The following NELL1 variants were observed in gnomAD, a reference collection of about 807,000 sequenced individuals.
NELL1 encodes protein kinase C-binding protein NELL1.
A neutral mutation model predicts 107.4 loss-of-function variants in NELL1; 76 were observed. That is an observed-to-expected ratio of 0.71 (90% CI 0.59 to 0.86). NELL1 has a LOEUF of 0.86. Among genes scored for constraint, NELL1 ranks in the 40% least tolerant of loss-of-function variants. The pLI, the probability that NELL1 is intolerant of heterozygous loss-of-function variation, is 0.00. For missense variants in NELL1, 1,024 were observed against 1,005.5 expected, an observed-to-expected ratio of 1.02 and a Z score of -0.25; for synonymous variants, 353 against 341.2, an observed-to-expected ratio of 1.03 and a Z score of -0.38.
chr11:21,464,600 C>A (rs10833543), intron 15 of NELL1, among the ~76,000 whole-genome samples: 52,676 of 151,766 alleles, frequency 0.35, 10,077 homozygotes, highest in East Asian at 0.43. Flanking sequence ...AAAATGTTCA[C>A]CACAAAATGT....
intron 13 of NELL1, chr11:21,170,079 A>G: frequency 2.9e-6 from 3 of 1,036,134 alleles, no homozygotes; most frequent in Non-Finnish European, 4.4e-6. Flanking sequence ...TTGGAGTCCA[A>G]GTTCTTTGAA....
intron 6 of NELL1, among the ~76,000 whole-genome samples, chr11:20,918,862 G>T (rs1850316582): frequency 6.6e-6 from 1 of 151,894 alleles, no homozygotes; most frequent in South Asian, 2.1e-4. Flanking sequence ...TCTATAGGTG[G>T]ATATAGAAAG....
chr11:21,078,491 T>C (rs1854192627), intron 12 of NELL1, among the ~76,000 whole-genome samples: 2 of 152,002 alleles, frequency 1.3e-5, no homozygotes, highest in African/African-American at 2.4e-5. Context: ...AATATAAATC[T>C]AAAGAGAAAA....
At chr11:21,360,688 G>A (rs917208296) in intron 14 of NELL1, among the ~76,000 whole-genome samples, 2 of 151,858 alleles carry the variant, frequency 1.3e-5, no homozygotes, top group Admixed American at 1.3e-4. Context: ...AGGTGCATAT[G>A]TATTTTCCTG....
At chr11:20,736,151 G>A (rs1412352653) in intron 2 of NELL1, among the ~76,000 whole-genome samples, 2 of 152,180 alleles carry the variant, frequency 1.3e-5, no homozygotes, top group African/African-American at 4.8e-5. Context: ...CATCCACTGA[G>A]GGCAAGTGGG....
chr11:20,970,090 TCCATCC>T (rs1564992482), intron 12 of NELL1, among the ~76,000 whole-genome samples: 3 of 150,122 alleles, frequency 2.0e-5, no homozygotes, highest in Non-Finnish European at 3.0e-5. Flanking sequence ...CATCCATCCA[TCCATCC>T]GTACTCTGAA....
At chr11:21,493,694 G>A (rs1854896170) in intron 15 of NELL1, among the ~76,000 whole-genome samples, 1 of 151,904 alleles carries the variant, frequency 6.6e-6, no homozygotes. Context: ...CAGCAGATAG[G>A]GTGACTATAG....
chr11:21,472,640 A>G (rs1456370854), intron 15 of NELL1, among the ~76,000 whole-genome samples: 12 of 152,012 alleles, frequency 7.9e-5, no homozygotes, highest in Admixed American at 7.2e-4. Flanking sequence ...TGAAAATACT[A>G]ATTAGGGAGC....
chr11:21,061,643 T>A (rs1853743840), intron 12 of NELL1, among the ~76,000 whole-genome samples: 1 of 148,706 alleles, frequency 6.7e-6, no homozygotes, highest in African/African-American at 2.5e-5. Flanking sequence ...TCAAGAAACA[T>A]GAACTGTCAT....
chr11:20,932,459 G>A (rs1013403067), intron 9 of NELL1, among the ~76,000 whole-genome samples: 3 of 152,172 alleles, frequency 2.0e-5, no homozygotes, highest in Non-Finnish European at 4.4e-5. Flanking sequence ...CGTGAGTTGC[G>A]GATGGATGAT....
chr11:20,937,670 T>C (rs1850755136), intron 9 of NELL1, 116 bp from the exon 10 acceptor site: 7 of 729,812 alleles, frequency 9.6e-6, no homozygotes. Context: ...GAGATTTGTA[T>C]TGCTCAGAAG....
intron 15 of NELL1, among the ~76,000 whole-genome samples, chr11:21,494,667 A>G (rs529659973): frequency 6.6e-6 from 1 of 152,136 alleles, no homozygotes; most frequent in Non-Finnish European, 1.5e-5. Flanking sequence ...GAACCAAGAG[A>G]CATGAGGATG....
intron 12 of NELL1, among the ~76,000 whole-genome samples, chr11:21,080,119 C>T (rs771881985): frequency 1.9e-4 from 29 of 152,014 alleles, no homozygotes; most frequent in Non-Finnish European, 3.7e-4. Context: ...TACAGTATTA[C>T]CTCAATGAAT....
chr11:21,468,635 G>A (rs1854093481), intron 15 of NELL1, among the ~76,000 whole-genome samples: 1 of 152,008 alleles, frequency 6.6e-6, no homozygotes, highest in South Asian at 2.1e-4. Context: ...AAAAAATGAA[G>A]TGGGTTAGGT....
At chr11:20,997,378 G>A (rs1852114207) in intron 12 of NELL1, among the ~76,000 whole-genome samples, 1 of 152,182 alleles carries the variant, frequency 6.6e-6, no homozygotes, top group South Asian at 2.1e-4. Context: ...CCAGAGCACT[G>A]GGATCAGATT....
chr11:21,437,926 G>A (rs1023946425), intron 15 of NELL1, among the ~76,000 whole-genome samples: 4 of 152,090 alleles, frequency 2.6e-5, no homozygotes, highest in African/African-American at 7.2e-5. Flanking sequence ...AGTTACTTCT[G>A]TCCTTTCACT....
chr11:20,787,018 A>AAAAAAAAAAG (rs1554920652), intron 3 of NELL1, among the ~76,000 whole-genome samples: 14 of 150,030 alleles, frequency 9.3e-5, no homozygotes, highest in African/African-American at 3.2e-4. Context: ...AAAAAAAAAA[A>AAAAAAAAAAG]AAAAAAAAAA....
intron 2 of NELL1, among the ~76,000 whole-genome samples, chr11:20,722,391 T>C (rs560833880): frequency 1.3e-5 from 2 of 152,266 alleles, no homozygotes; most frequent in East Asian, 1.9e-4. Flanking sequence ...TTTTGAGTAA[T>C]ATCTCTTTAC....
At chr11:21,022,994 T>C (rs1037239194) in intron 12 of NELL1, among the ~76,000 whole-genome samples, 2 of 151,866 alleles carry the variant, frequency 1.3e-5, no homozygotes, top group Admixed American at 6.6e-5. Flanking sequence ...AGGACTAGGG[T>C]GATATCTTAC....
Sources: gnomAD v4.1 joint callset for allele counts (sites outside exome capture counted in the v4.1 genomes callset) on GRCh38, gnomAD v4.1.1 for gene constraint, MANE v1.5 for transcripts, NCBI Gene and HGNC (gene_info 2026-07-23, HGNC 2026-07-21) for gene names.